SUPT6H: variants seen among roughly 807,000 people sequenced by gnomAD.
SUPT6H encodes SPT6 homolog, histone chaperone and transcription elongation factor.
SUPT6H carries 11 observed loss-of-function variants against 222.3 expected under a neutral mutation model. The ratio of observed to expected loss-of-function variants is 0.05; its 90% CI spans 0.03 to 0.08. The LOEUF is 0.08. Among genes scored for constraint, SUPT6H ranks in the 10% least tolerant of loss-of-function variants. The pLI, the probability that SUPT6H is intolerant of heterozygous loss-of-function variation, is 1.00. For synonymous variants in SUPT6H, 762 were observed against 801.2 expected (o/e 0.95, Z 0.83); for missense variants, 1,422 against 2,216.0 (o/e 0.64, Z 7.19).
chr17:28,700,694 C>G (rs575698550), intron 35 of SUPT6H, 182 bp downstream of exon 35: 61 of 990,014 alleles, frequency 6.2e-5, no homozygotes, highest in Middle Eastern at 3.1e-4. Flanking sequence ...AGGGCATAAC[C>G]TTTCCACGGG....
chr17:28,663,828 A>ACTTTTTTTTTTTTTTTTTTTT (rs2072113255), intron 1 of SUPT6H, among the ~76,000 whole-genome samples: 1 of 38,374 alleles, frequency 2.6e-5, no homozygotes, highest in Non-Finnish European at 4.7e-5. Flanking sequence ...TGCCCACTCC[A>ACTTTTTTTTTTTTTTTTTTTT]TTTTTTTTTT....
intron 1 of SUPT6H, among the ~76,000 whole-genome samples, chr17:28,664,213 G>T (rs1264611631): frequency 6.6e-6 from 1 of 151,984 alleles, no homozygotes; most frequent in Non-Finnish European, 1.5e-5. Flanking sequence ...TCTATCTAAT[G>T]TCTAAATGCT....
intron 13 of SUPT6H, 94 bp from the exon 14 acceptor site, chr17:28,682,633 G>A: frequency 6.6e-7 from 1 of 1,518,956 alleles, no homozygotes; most frequent in Non-Finnish European, 9.0e-7. Context: ...AAATAAAAAA[G>A]GCTAGTTCCC....
chr17:28,701,507 A>G lies in SUPT6H; in HGVS notation c.5063A>G (p.Glu1688Gly). ...CAGTGGCTGCAGGAAAAGGAGGCAG[A>G]ACGGCGGAAACAGAAGCAGCGGCTG... The part of the protein sequence containing the change: ...AEQWLQEKEA[E>G]RRKQKQRLTP... The change falls in exon 37 of 37, where the codon GAA becomes GGA. Residue 1688 changes from glutamate (E) to glycine (G), a missense_variant. By Grantham distance (98) the Glu-to-Gly change is moderately conservative (BLOSUM62 -2). Coordinates refer to ENST00000314616, the MANE Select transcript of SUPT6H (RefSeq NM_003170.5). The G allele has an allele frequency of 6.2e-7, 1 of 1,614,150 alleles. No homozygotes were observed. Among genetic ancestry groups the G allele is most frequent in the Non-Finnish European group, 8.5e-7 (1 of 1,180,022 alleles).
rs897859093 is a variant in SUPT6H, at chr17:28,684,576, C to T, written c.2230-10C>T. 6.2e-7 allele frequency: 1 copy of T among 1,613,940 alleles called. No homozygotes were observed. The highest frequency in any genetic ancestry group is 1.3e-5 in the African/African-American group (1 of 74,914). On this transcript the variant is annotated splice_polypyrimidine_tract_variant and intron_variant, in intron 17 of 36. Transcript: ENST00000314616. ...CATGTATGTAATACCTGTTGTGTCT[C>T]TTCCCTCAGGCCTGTAGTCGAAAGC... is the stretch of plus-strand genomic sequence containing the variant.
intron 11 of SUPT6H, among the ~76,000 whole-genome samples, chr17:28,679,763 G>A (rs1022247687): frequency 9.2e-5 from 14 of 151,774 alleles, no homozygotes; most frequent in Admixed American, 6.6e-4. Context: ...AAGCCAGGGC[G>A]GGCGGGTCAT....
chr17:28,681,455 C>T (rs2031098704), intron 12 of SUPT6H, 51 bp downstream of exon 12: 1 of 1,536,906 alleles, frequency 6.5e-7, no homozygotes, highest in African/African-American at 1.4e-5. Context: ...TGCATGATGG[C>T]TCACGCATGT....
chr17:28,700,848 T>G, intron 35 of SUPT6H, 93 bp from the exon 36 acceptor site: 1 of 1,445,164 alleles, frequency 6.9e-7, no homozygotes, highest in Middle Eastern at 1.8e-4. Flanking sequence ...TCTGGAAAGC[T>G]TTGCTGAGCC....
At position 28,681,363 on chromosome 17, in the gene SUPT6H, G is replaced by C. The variant is rs771746099; in HGVS notation, c.1457G>C (p.Arg486Pro). 6.2e-7 allele frequency: 1 copy of C among 1,611,792 alleles called. No homozygotes were observed. Among genetic ancestry groups the C allele is most frequent in the Non-Finnish European group, 8.5e-7 (1 of 1,179,224 alleles). ...PKMQNAAKAS[R>P]KKLKRVREEG... The stretch of plus-strand genomic sequence containing the variant: ...ATGCAGAACGCCGCCAAAGCTAGCC[G>C]CAAGAAGCTGAAGCGTGTCAGGGAA... Residue 486 changes from arginine to proline, a missense_variant, in exon 12 of 37, where the codon CGC (arginine) becomes CCC (proline). Arg to Pro is a moderately radical substitution (Grantham distance 103). This residue lies in a region of SUPT6H where 389 missense variants were observed against 544.6 expected (regional missense o/e 0.71). Transcript: ENST00000314616.
At chr17:28,677,571 C>T in intron 7 of SUPT6H, 144 bp from the exon 8 acceptor site, 2 of 675,062 alleles carry the variant, frequency 3.0e-6, no homozygotes, top group South Asian at 1.9e-5. Flanking sequence ...TTATTTCATG[C>T]CAGAACAACA....
chr17:28,674,212 C>T, intron 2 of SUPT6H, 71 bp from the exon 3 acceptor site: 2 of 1,581,578 alleles, frequency 1.3e-6, no homozygotes, highest in Non-Finnish European at 1.7e-6. Flanking sequence ...TGGATAATCA[C>T]ATTAATCAAG....
chr17:28,687,384 C>T lies in SUPT6H; in HGVS notation c.2919C>T (p.Val973=). The T allele has an allele frequency of 6.2e-7, 1 of 1,614,204 alleles. No individual in the cohort carries two copies. Among genetic ancestry groups the T allele is most frequent in the Non-Finnish European group, 8.5e-7 (1 of 1,180,050 alleles). The stretch of plus-strand genomic sequence containing the variant: ...GAGTCAATGAGGTCGGGGTCGATGT[C>T]AACCGTGCCATTGCCCACCCTTACA... ...INRVNEVGVD[V]NRAIAHPYSQ... Residue 973 remains valine (V), a synonymous_variant, in exon 23 of 37, where the codon GTC becomes GTT. Transcript: ENST00000314616.
chr17:28,698,910 A>G (rs2032030385), intron 32 of SUPT6H, among the ~76,000 whole-genome samples: 1 of 152,166 alleles, frequency 6.6e-6, no homozygotes, highest in Non-Finnish European at 1.5e-5. Context: ...TGGGGCTGGA[A>G]ACTGTGTCCT....
chr17:28,672,115 G>GTGTT lies in SUPT6H; in HGVS notation c.-31-1254_-31-1251dup, dbSNP rs757179001. The stretch of plus-strand genomic sequence containing the variant: ...TGGCTCAAGTTCATGAAGTATTTGT[G>GTGTT]TGTTTAATCTATTGAAAAGAGATTT... On this transcript the variant is annotated intron_variant, in intron 1 of 36. Transcript: ENST00000314616. 7.1e-4 allele frequency among the ~76,000 whole-genome samples: 108 copies of GTGTT among 152,354 alleles called. 1 individual carries two copies. Among genetic ancestry groups the GTGTT allele is most frequent in the Non-Finnish European group, 3.2e-4 (22 of 68,036 alleles).
chr17:28,663,519 G>A (rs1400899633), intron 1 of SUPT6H, among the ~76,000 whole-genome samples: 1 of 152,078 alleles, frequency 6.6e-6, no homozygotes, highest in Non-Finnish European at 1.5e-5. Context: ...ATCTTTGTAG[G>A]CAAATACGTT....
rs2032079024 is a variant in SUPT6H, at chr17:28,700,259, C to G, written c.4639+9C>G. 6.2e-6 allele frequency: 10 copies of G among 1,614,224 alleles called. No homozygotes were observed. The highest frequency in any genetic ancestry group is 8.5e-6 in the Non-Finnish European group (10 of 1,180,040). On this transcript the variant is annotated intron_variant, in intron 34 of 36. Transcript: ENST00000314616. The stretch of plus-strand genomic sequence containing the variant: ...CAACATCAACCTTGCAGGTGAGGAG[C>G]TTGAGCCTGGGACTGGAGGTGGGAA...
chr17:28,699,995 T>A, intron 33 of SUPT6H, 102 bp downstream of exon 33: 1 of 1,371,932 alleles, frequency 7.3e-7, no homozygotes, highest in Non-Finnish European at 1.0e-6. Flanking sequence ...GAGTAGGCTG[T>A]CACTGCAGCT....
intron 32 of SUPT6H, among the ~76,000 whole-genome samples, chr17:28,698,913 T>C (rs1449424755): frequency 6.6e-6 from 1 of 151,636 alleles, no homozygotes; most frequent in African/African-American, 2.4e-5. Context: ...GGCTGGAAAC[T>C]GTGTCCTGTG....
intron 7 of SUPT6H, among the ~76,000 whole-genome samples, chr17:28,677,012 T>C (rs188631974): frequency 5.9e-5 from 9 of 152,158 alleles, no homozygotes; most frequent in Admixed American, 5.9e-4. Flanking sequence ...GTGGATCACC[T>C]GAGGTCAGGA....
Sources: gnomAD v4.1 joint callset for allele counts (sites outside exome capture counted in the v4.1 genomes callset) on GRCh38, gnomAD v4.1.1 for gene constraint, gnomAD v4.1.1 regional missense constraint, MANE v1.5 for transcripts, NCBI Gene and HGNC (gene_info 2026-07-23, HGNC 2026-07-21) for gene names.